SERPINB2: variants seen among roughly 807,000 people sequenced by gnomAD.
SERPINB2 encodes serpin family B member 2, also known as plasminogen activator inhibitor 2.
A neutral mutation model predicts 39.4 loss-of-function variants in SERPINB2; 28 were observed. The ratio of observed to expected loss-of-function variants is 0.71; its 90% CI spans 0.53 to 0.97. The LOEUF is 0.97. SERPINB2 is among the 50% of genes least tolerant of loss of function. The pLI is 0.00. For missense variants in SERPINB2, 557 were observed against 505.3 expected, an observed-to-expected ratio of 1.10 and a Z score of -0.98; for synonymous variants, 209 against 175.1, an observed-to-expected ratio of 1.19 and a Z score of -1.53.
At chr18:63,888,886 G>A (rs954313611) in intron 1 of SERPINB2, among the ~76,000 whole-genome samples, 2 of 152,130 alleles carry the variant, frequency 1.3e-5, no homozygotes, top group Non-Finnish European at 2.9e-5. Context: ...GGAGGCTGTG[G>A]TATTTCACAA....
chr18:63,889,065 G>A (rs186710189), intron 1 of SERPINB2, among the ~76,000 whole-genome samples: 2 of 152,268 alleles, frequency 1.3e-5, no homozygotes, highest in African/African-American at 2.4e-5. Context: ...ATTAGACTTG[G>A]AATCAGAAGT....
rs758465520 is a variant in SERPINB2 at position 63,897,223 on chromosome 18, A to C, written c.417+4A>C. 7 of 1,606,984 alleles carry C rather than the reference A, an allele frequency of 4.4e-6. No individual in the cohort carries two copies. The highest frequency in any genetic ancestry group is 5.9e-6 in the Non-Finnish European group (7 of 1,177,048). On this transcript the variant is annotated splice_donor_region_variant and intron_variant, in intron 4 of 7. Coordinates refer to ENST00000299502, the MANE Select transcript of SERPINB2 (RefSeq NM_002575.3). Reference sequence around the variant, plus strand: ...GAAGTCTGCGAGCTTCCGGGAAGTAAGTGAAACCTGTAATTGAAATGGCTG... The same window carrying C: ...GAAGTCTGCGAGCTTCCGGGAAGTACGTGAAACCTGTAATTGAAATGGCTG...
At chr18:63,894,376 C>T (rs2049945680) in intron 2 of SERPINB2, among the ~76,000 whole-genome samples, 1 of 152,142 alleles carries the variant, frequency 6.6e-6, no homozygotes, top group African/African-American at 2.4e-5. Context: ...CCTTCTAGCC[C>T]AGAAATTCAC....
chr18:63,895,261 C>T lies in SERPINB2; in HGVS notation c.169-3C>T. The T allele has an allele frequency of 6.2e-7, 1 of 1,612,988 alleles. No individual in the cohort carries two copies. Among genetic ancestry groups the T allele is most frequent in the Admixed American group, 1.7e-5 (1 of 59,706 alleles). ...TAACCGTTTTCTCTAATTCTGATTGCAGGTGCTTCAGTTTAATGAAGTGGG... is the reference window on the plus strand; with the variant it reads ...TAACCGTTTTCTCTAATTCTGATTGTAGGTGCTTCAGTTTAATGAAGTGGG... On this transcript the variant is annotated splice_polypyrimidine_tract_variant and splice_region_variant and intron_variant, in intron 2 of 7. Transcript: ENST00000299502.
chr18:63,891,394 T>G, intron 1 of SERPINB2, 42 bp from the exon 2 acceptor site: 1 of 1,605,610 alleles, frequency 6.2e-7, no homozygotes, highest in South Asian at 1.1e-5. Context: ...AATGTTACCT[T>G]ATGTTTCAGA....
rs1382270530 is a variant in SERPINB2 at position 63,897,738 on chromosome 18, A to G, written c.429A>G (p.Arg143=). 6.2e-7 allele frequency: 1 copy of G among 1,602,778 alleles called. No individual in the cohort carries two copies. Among genetic ancestry groups the G allele is most frequent in the Non-Finnish European group, 8.5e-7 (1 of 1,170,060 alleles). The change falls in exon 5 of 8, where the codon CGA becomes CGG. Residue 143 remains arginine (R), a synonymous_variant. Transcript: ENST00000299502. The stretch of plus-strand genomic sequence containing the variant: ...TTCTTGCTTTAAAGGAATATATTCG[A>G]CTCTGTCAGAAATATTACTCCTCAG... ...KSASFREEYI[R]LCQKYYSSEP... is the part of the protein sequence containing the mutation.
chr18:63,897,680 G>A lies in SERPINB2; in HGVS notation c.418-47G>A, dbSNP rs145523377. On this transcript the variant is annotated intron_variant, in intron 4 of 7. Transcript: ENST00000299502. The stretch of plus-strand genomic sequence containing the variant: ...ATAATTCACCATTATGCCATGGCTT[G>A]TTTGGTATGTATTTTATGTAGCCTT... The A allele has an allele frequency of 1.6e-5, 20 of 1,239,692 alleles. No individual in the cohort carries two copies. The East Asian group carries it at 4.6e-4, about 29-fold the overall frequency. The allele number at this position is 1,239,692 out of a possible 1,614,324, so 76.8% of individuals were successfully genotyped here.
intron 1 of SERPINB2, among the ~76,000 whole-genome samples, chr18:63,889,196 G>A (rs1004599415): frequency 2.6e-5 from 4 of 152,138 alleles, no homozygotes; most frequent in Non-Finnish European, 4.4e-5. Context: ...ATTGAAAAGG[G>A]AGCTGAAGGA....
Position 63,901,724 on chromosome 18 carries a change from G to A in SERPINB2, c.536-16G>A, listed in dbSNP as rs2049992017. 2 of 1,524,464 alleles carry A rather than the reference G, an allele frequency of 1.3e-6. No individual in the cohort carries two copies. The highest frequency in any genetic ancestry group is 1.7e-6 in the Non-Finnish European group (2 of 1,145,026). 94.4% of individuals were successfully genotyped at this position (1,524,464 alleles called of 1,614,324 possible). ...TCTTGATTATGAAACCTAAATATATGTTATGTTTTCTGTAGGCAAAATCCC... is the reference window on the plus strand; with the variant it reads ...TCTTGATTATGAAACCTAAATATATATTATGTTTTCTGTAGGCAAAATCCC... On this transcript the variant is annotated splice_polypyrimidine_tract_variant and intron_variant, in intron 5 of 7. Transcript: ENST00000299502.
At position 63,903,166 on chromosome 18, in the gene SERPINB2, C is replaced by T. The variant is rs146519810; in HGVS notation, c.1109C>T (p.Ala370Val). The change falls in exon 8 of 8, where the codon GCC (alanine) becomes GTC (valine). Residue 370 changes from alanine (A) to valine (V), a missense_variant. Transcript: ENST00000299502. ...VDVNEEGTEA[A>V]AGTGGVMTGR... is the part of the protein sequence containing the mutation. ...GTGAATGAGGAGGGCACTGAAGCAG[C>T]CGCTGGCACAGGAGGTGTTATGACA... is the stretch of plus-strand genomic sequence containing the variant. The T allele has an allele frequency of 1.3e-5, 21 of 1,613,560 alleles. No individual in the cohort carries two copies. The highest frequency in any genetic ancestry group is 1.7e-5 in the Admixed American group (1 of 59,954).
At chr18:63,894,367 C>T (rs1350175538) in intron 2 of SERPINB2, among the ~76,000 whole-genome samples, 1 of 152,198 alleles carries the variant, frequency 6.6e-6, no homozygotes, top group Non-Finnish European at 1.5e-5. Context: ...AACACCTCTC[C>T]TTCTAGCCCA....
chr18:63,892,171 T>C (rs1599057666), intron 2 of SERPINB2, among the ~76,000 whole-genome samples: 1 of 150,666 alleles, frequency 6.6e-6, no homozygotes, highest in South Asian at 2.1e-4. Flanking sequence ...GCATGGATAG[T>C]GTTGTAGCTG....
chr18:63,903,490 C>T lies in SERPINB2; in HGVS notation c.*185C>T, dbSNP rs1456137195. 1.1e-5 allele frequency: 5 copies of T among 454,288 alleles called. No individual in the cohort carries two copies. Among genetic ancestry groups the T allele is most frequent in the African/African-American group, 1.0e-4 (5 of 48,990 alleles). The allele number at this position is 454,288 out of a possible 1,614,324, so 28.1% of individuals were successfully genotyped here. A position where few individuals can be genotyped will look rare whatever the true frequency, so the allele number is the denominator to read the frequency against. Reference sequence around the variant, plus strand: ...CAATTGTCTATTATAACATGACAACCCTATTAATCATTTGGTCTTCTAAAA... The same window carrying T: ...CAATTGTCTATTATAACATGACAACTCTATTAATCATTTGGTCTTCTAAAA... On this transcript the variant is annotated 3_prime_UTR_variant, in exon 8 of 8. Transcript: ENST00000299502.
intron 3 of SERPINB2, 54 bp downstream of exon 3, chr18:63,895,437 T>A (rs1284037115): frequency 1.2e-6 from 2 of 1,610,948 alleles, no homozygotes; most frequent in African/African-American, 2.7e-5. Flanking sequence ...GCAATCTTCC[T>A]GTCTTAAAGC....
intron 2 of SERPINB2, chr18:63,892,845 C>T (rs1302448086): frequency 6.6e-6 from 1 of 152,172 alleles, no homozygotes; most frequent in African/African-American, 2.4e-5. Context: ...ATTCTTTCCC[C>T]ATTATTTTTT....
intron 2 of SERPINB2, among the ~76,000 whole-genome samples, 172 bp downstream of exon 2, chr18:63,891,784 G>T (rs1012989557): frequency 6.6e-6 from 1 of 152,218 alleles, no homozygotes; most frequent in Non-Finnish European, 1.5e-5. Flanking sequence ...CTATAAGACA[G>T]CCAAGCCCCC....
At chr18:63,888,951 G>C (rs2049908837) in intron 1 of SERPINB2, among the ~76,000 whole-genome samples, 1 of 152,136 alleles carries the variant, frequency 6.6e-6, no homozygotes, top group Admixed American at 6.5e-5. Flanking sequence ...CAAACATAAA[G>C]TATGGCCTTA....
chr18:63,896,294 C>T lies in SERPINB2; in HGVS notation c.289-797C>T, dbSNP rs139489745. ...CCCTAGGACAGGCTGCTGCTGTGAC[C>T]AAGCCCTGTGTCTGACATGGTGCTT... is the stretch of plus-strand genomic sequence containing the variant. On this transcript the variant is annotated intron_variant, in intron 3 of 7. Transcript: ENST00000299502. Among the ~76,000 whole-genome samples the T allele has an allele frequency of 6.9e-3, 1,057 of 152,304 alleles. 7 individuals carry two copies. Among genetic ancestry groups the T allele is most frequent in the Non-Finnish European group, 0.011 (731 of 68,018 alleles).
chr18:63,889,539 G>T (rs1376767854), intron 1 of SERPINB2, among the ~76,000 whole-genome samples: 1 of 151,996 alleles, frequency 6.6e-6, no homozygotes, highest in African/African-American at 2.4e-5. Context: ...TTGTGGCTCT[G>T]ATCTCTTATT....
Sources: allele counts gnomAD v4.1 joint callset (sites outside exome capture counted in the v4.1 genomes callset), GRCh38; gene constraint gnomAD v4.1.1; transcripts MANE v1.5; gene names NCBI Gene and HGNC (gene_info 2026-07-23, HGNC 2026-07-21).